MIOS: variants seen among roughly 807,000 people sequenced by gnomAD.
The protein encoded by MIOS is meiosis regulator for oocyte development, also known as GATOR2 complex protein MIOS.
Under a neutral mutation model 96.9 loss-of-function variants are expected in MIOS, and 52 were observed. The ratio of observed to expected loss-of-function variants is 0.54; its 90% confidence interval spans 0.43 to 0.68. The LOEUF is 0.68. Among genes scored for constraint, MIOS ranks in the 30% least tolerant of loss-of-function variants. The pLI, the probability that MIOS is intolerant of heterozygous loss-of-function variation, is 0.00. For synonymous variants in MIOS, 397 were observed against 359.5 expected (o/e 1.10, Z -1.18); for missense variants, 1,005 against 1,052.8 (o/e 0.95, Z 0.63).
chr7:7,589,571 C>T lies in MIOS; in HGVS notation c.2043+8C>T. On this transcript the variant is annotated splice_region_variant and intron_variant, in intron 9 of 12. Transcript: ENST00000340080. ...AGTTACTGTATGTTACAGGTCAGTG[C>T]AGTTTGACAGCAGCTTTTAAAAAAG... 1.3e-6 allele frequency: 2 copies of T among 1,573,198 alleles called. No homozygotes were observed. Among genetic ancestry groups the T allele is most frequent in the Non-Finnish European group, 1.7e-6 (2 of 1,158,218 alleles).
chr7:7,582,443 G>C (rs919218155), intron 5 of MIOS, among the ~76,000 whole-genome samples: 4 of 152,122 alleles, frequency 2.6e-5, no homozygotes, highest in Admixed American at 1.3e-4. Context: ...CAACTGCCTT[G>C]ATTGCAGTAT....
chr7:7,578,972 A>G (rs181019685), intron 5 of MIOS, among the ~76,000 whole-genome samples: 1 of 152,280 alleles, frequency 6.6e-6, no homozygotes, highest in African/African-American at 2.4e-5. Flanking sequence ...CGGGCTCCCA[A>G]AGTGCTGGGA....
chr7:7,595,237 T>C, intron 10 of MIOS, 105 bp downstream of exon 10: 1 of 1,245,622 alleles, frequency 8.0e-7, no homozygotes, highest in Non-Finnish European at 1.1e-6. Flanking sequence ...CCCATTGATG[T>C]CTTTGTCTTT....
At position 7,597,517 on chromosome 7, in the gene MIOS, T is replaced by TATATATATATAAAAAA. The variant is rs372634070; in HGVS notation, c.2401+1056_2401+1057insATATATATATAAAAAA. Among the ~76,000 whole-genome samples the TATATATATATAAAAAA allele has an allele frequency of 7.0e-3, 494 of 70,420 alleles. 84 individuals are homozygous for TATATATATATAAAAAA. Among genetic ancestry groups the TATATATATATAAAAAA allele is most frequent in the East Asian group, 0.012 (22 of 1,846 alleles). 46.2% of individuals were successfully genotyped at this position (70,420 alleles called of 152,430 possible). A position where few individuals can be genotyped will look rare whatever the true frequency, so the allele number is the denominator to read the frequency against. On this transcript the variant is annotated intron_variant, in intron 11 of 12. Coordinates refer to ENST00000340080, the MANE Select transcript of MIOS (RefSeq NM_019005.4). ...ATATATATATATATATATATATATA[T>TATATATATATAAAAAA]GAAGGCAATACGTAATGTTTTAAAT...
chr7:7,579,935 T>G (rs1783658867), intron 5 of MIOS, among the ~76,000 whole-genome samples: 1 of 152,234 alleles, frequency 6.6e-6, no homozygotes, highest in South Asian at 2.1e-4. Context: ...TTGTTCTCTA[T>G]TCTGTTCCAT....
At chr7:7,604,632 C>G (rs1377958439) in intron 11 of MIOS, among the ~76,000 whole-genome samples, 1 of 152,168 alleles carries the variant, frequency 6.6e-6, no homozygotes, top group Non-Finnish European at 1.5e-5. Flanking sequence ...AAGTGAAACT[C>G]TAGTTTCGCC....
At chr7:7,597,517 T>TATATATATATAAAAA (rs372634070) in intron 11 of MIOS, among the ~76,000 whole-genome samples, 1 of 70,426 alleles carries the variant, frequency 1.4e-5, no homozygotes, top group Non-Finnish European at 2.7e-5. Context: ...TATATATATA[T>TATATATATATAAAAA]GAAGGCAATA....
Position 7,606,205 on chromosome 7 carries a change from CAA to C in MIOS, c.2531+136_2531+137del, listed in dbSNP as rs1397744286. ...TATTTTTTACTGTCACTCATGTTAA[CAA>C]AGGTGGTGTGAACATGTCGTGATTA... On this transcript the variant is annotated intron_variant, in intron 12 of 12. Coordinates refer to ENST00000340080, the MANE Select transcript of MIOS (RefSeq NM_019005.4). The C allele has an allele frequency of 2.5e-6, 3 of 1,185,158 alleles. No individual in the cohort carries two copies. In the Admixed American group the frequency reaches 6.8e-5, roughly 27 times the overall value. The allele number at this position is 1,185,158 out of a possible 1,614,324, so 73.4% of individuals were successfully genotyped here.
At chr7:7,606,839 T>C (rs1385098908) in intron 12 of MIOS, among the ~76,000 whole-genome samples, 157 bp from the exon 13 acceptor site, 3 of 152,186 alleles carry the variant, frequency 2.0e-5, no homozygotes, top group Admixed American at 2.0e-4. Flanking sequence ...TAGTCCCAGC[T>C]ACTCAGGAGG....
At chr7:7,584,101 C>T (rs1395721936) in intron 6 of MIOS, among the ~76,000 whole-genome samples, 1 of 152,040 alleles carries the variant, frequency 6.6e-6, no homozygotes, top group Non-Finnish European at 1.5e-5. Context: ...AATACTGAAT[C>T]CTTACTTGCT....
chr7:7,605,204 TA>T (rs1784492132), intron 11 of MIOS: 1 of 152,168 alleles, frequency 6.6e-6, no homozygotes, highest in African/African-American at 2.4e-5. Context: ...TTGTTTAAGT[TA>T]CACAAGTCTC....
chr7:7,599,471 A>G (rs1784308009), intron 11 of MIOS, among the ~76,000 whole-genome samples: 1 of 152,254 alleles, frequency 6.6e-6, no homozygotes, highest in Admixed American at 6.5e-5. Flanking sequence ...TCTGAAGGAT[A>G]TCTGGAAAGC....
Position 7,607,292 on chromosome 7 carries a change from G to A in MIOS, c.*200G>A, listed in dbSNP as rs1462974119. On this transcript the variant is annotated 3_prime_UTR_variant, in exon 13 of 13. Transcript: ENST00000340080. ...GACAAATGCTGCCAAAATAAACATC[G>A]AAGTATAGACATGAGTTCTGTTCAG... 7 of 476,510 alleles carry A rather than the reference G, an allele frequency of 1.5e-5. No individual in the cohort carries two copies. Among genetic ancestry groups the A allele is most frequent in the South Asian group, 2.9e-5 (1 of 34,800 alleles). 29.5% of individuals were successfully genotyped at this position (476,510 alleles called of 1,614,324 possible). A position where few individuals can be genotyped will look rare whatever the true frequency, so the allele number is the denominator to read the frequency against.
intron 11 of MIOS, among the ~76,000 whole-genome samples, chr7:7,598,558 T>C (rs968508795): frequency 6.6e-6 from 1 of 152,168 alleles, no homozygotes; most frequent in African/African-American, 2.4e-5. Flanking sequence ...AAATAACAAT[T>C]TGGAATATCT....
Position 7,572,084 on chromosome 7 carries a change from C to T in MIOS, c.-40-352C>T, listed in dbSNP as rs1054322277. On this transcript the variant is annotated intron_variant, in intron 3 of 12. Transcript: ENST00000340080. This position sits in a 1 kb window ranked among gnomAD's most constrained non-coding sequence, Gnocchi z 4.8. ...GAATATGATTCATAAGTTTTCCCCC[C>T]TTCAAAGGGATAATACTTATTAATT... Among the ~76,000 whole-genome samples, 7 of 152,190 alleles carry T rather than the reference C, an allele frequency of 4.6e-5. No homozygotes were observed. Among genetic ancestry groups the T allele is most frequent in the African/African-American group, 1.4e-4 (6 of 41,446 alleles).
rs1784240250 is a variant in MIOS at position 7,597,480 on chromosome 7, ATAT to A, written c.2401+1020_2401+1022del. Among the ~76,000 whole-genome samples the A allele has an allele frequency of 5.5e-4, 18 of 32,936 alleles. 2 individuals are homozygous for A. Among genetic ancestry groups the A allele is most frequent in the South Asian group, 2.6e-3 (3 of 1,136 alleles). 21.6% of individuals were successfully genotyped at this position (32,936 alleles called of 152,430 possible). A position where few individuals can be genotyped will look rare whatever the true frequency, so the allele number is the denominator to read the frequency against. On this transcript the variant is annotated intron_variant, in intron 11 of 12. Coordinates refer to ENST00000340080, the MANE Select transcript of MIOS (RefSeq NM_019005.4). The stretch of plus-strand genomic sequence containing the variant: ...TTACCTAGTAAATTTATATATATAT[ATAT>A]ATATATATATATATATATATATATA...
Position 7,573,516 on chromosome 7 carries a change from G to A in MIOS, c.1041G>A (p.Met347Ile), listed in dbSNP as rs1361149335. The change falls in exon 4 of 13, where the codon ATG (methionine) becomes ATA (isoleucine). Residue 347 changes from methionine (M) to isoleucine (I), a missense_variant. Met to Ile is a conservative substitution (Grantham distance 10, BLOSUM62 1). Coordinates refer to ENST00000340080, the MANE Select transcript of MIOS (RefSeq NM_019005.4). The surrounding 1 kb of genome is among the most constrained non-coding windows in gnomAD (Gnocchi z 5.0). The part of the protein sequence containing the change: ...RMIVVTPNRT[M>I]SDFTVFERIS... ...TAGTTGTAACTCCCAACCGAACAAT[G>A]TCAGACTTCACTGTTTTTGAAAGGA... 2 of 1,614,002 alleles carry A rather than the reference G, an allele frequency of 1.2e-6. No homozygotes were observed. The highest frequency in any genetic ancestry group is 1.7e-6 in the Non-Finnish European group (2 of 1,179,962).
chr7:7,573,638 AAG>A lies in MIOS; in HGVS notation c.1165_1166del (p.Asp389TyrfsTer16). 1 of 1,614,040 alleles carries A rather than the reference AAG, an allele frequency of 6.2e-7. No homozygotes were observed. Among genetic ancestry groups the A allele is most frequent in the Non-Finnish European group, 8.5e-7 (1 of 1,179,934 alleles). On this transcript the variant is annotated frameshift_variant, in exon 4 of 13. Coordinates refer to ENST00000340080, the MANE Select transcript of MIOS (RefSeq NM_019005.4). LOFTEE classifies it high-confidence loss of function. The surrounding 1 kb of genome is among the most constrained non-coding windows in gnomAD (Gnocchi z 5.0). Reference sequence around the variant, plus strand: ...GAAGAAAATGATAATTCTTTAGAAAAAGATATAGCAACGAAGATGCGTCTTCG... The same window carrying A: ...GAAGAAAATGATAATTCTTTAGAAAAATATAGCAACGAAGATGCGTCTTCG...
chr7:7,601,928 C>A (rs1220498232), intron 11 of MIOS, among the ~76,000 whole-genome samples: 1 of 152,142 alleles, frequency 6.6e-6, no homozygotes, highest in Non-Finnish European at 1.5e-5. Context: ...ATACGAAAAT[C>A]AATAAATGTA....
Sources: allele counts gnomAD v4.1 joint callset (sites outside exome capture counted in the v4.1 genomes callset), GRCh38; gene constraint gnomAD v4.1.1; non-coding constraint Gnocchi (gnomAD v3.1); transcripts MANE v1.5; gene names NCBI Gene and HGNC (gene_info 2026-07-23, HGNC 2026-07-21).